Variants in PRDM9 observed in about 807,000 individuals in gnomAD.
The protein encoded by PRDM9 is PR/SET domain 9.
In PRDM9, 47 loss-of-function variants were observed where a neutral mutation model predicts 55.6. The ratio of observed to expected loss-of-function variants is 0.85; its 90% confidence interval spans 0.67 to 1.08. The LOEUF (loss-of-function observed/expected upper bound fraction) is 1.08, where lower values mean the gene tolerates loss of function less well. PRDM9 is among the 50% of genes least tolerant of loss of function. The pLI, the probability that PRDM9 is intolerant of heterozygous loss-of-function variation, is 0.00. For synonymous variants in PRDM9, 312 were observed against 375.7 expected (o/e 0.83, Z 1.96); for missense variants, 867 against 1,040.3 (o/e 0.83, Z 2.29).
At chr5:23,513,489 T>C (rs1265063023) in intron 4 of PRDM9, among the ~76,000 whole-genome samples, 3 of 152,170 alleles carry the variant, frequency 2.0e-5, no homozygotes, top group Non-Finnish European at 2.9e-5. Context: ...TTCCACCATG[T>C]CATGATGCGG....
At chr5:23,510,167 G>T in intron 4 of PRDM9, 140 bp downstream of exon 4, 1 of 847,532 alleles carries the variant, frequency 1.2e-6, no homozygotes, top group Middle Eastern at 3.1e-4. Context: ...CGATTCTCCT[G>T]CCTCAGCCTC....
At position 23,526,288 on chromosome 5, in the gene PRDM9, G is replaced by C. The variant is rs201275097; in HGVS notation, c.1200G>C (p.Gln400His). 1,109 of 1,614,156 alleles carry C rather than the reference G, an allele frequency of 6.9e-4. 15 individuals carry two copies. In the South Asian group the frequency reaches 0.01, roughly 15 times the overall value. Reference protein sequence around the residue: ...CPSCCLAFSSQKFLSQHVERN... With the variant: ...CPSCCLAFSSHKFLSQHVERN... Reference sequence around the variant, plus strand: ...CATGCTGTCTGGCCTTTTCAAGTCAGAAATTTCTCAGTCAACATGTAGAAC... The same window carrying C: ...CATGCTGTCTGGCCTTTTCAAGTCACAAATTTCTCAGTCAACATGTAGAAC... Residue 400 changes from glutamine (Q) to histidine (H), a missense_variant, in exon 11 of 11, where the codon CAG becomes CAC. This residue lies in a region of PRDM9 where 662 missense variants were observed against 711.9 expected (regional missense o/e 0.93). Coordinates refer to ENST00000296682, the MANE Select transcript of PRDM9 (RefSeq NM_020227.4).
At position 23,526,897 on chromosome 5, in the gene PRDM9, A is replaced by G. The variant is rs752740412; in HGVS notation, c.1809A>G (p.Thr603=). The G allele has an allele frequency of 3.1e-6, 5 of 1,602,982 alleles. No individual in the cohort carries two copies. Among genetic ancestry groups the G allele is most frequent in the Non-Finnish European group, 3.4e-6 (4 of 1,176,836 alleles). ...TCCTCACTCACCAGAGGACACACAC[A>G]GGGGAGAAGCCCTATGTCTGCAGGG... is the stretch of plus-strand genomic sequence containing the variant. ...SVLLTHQRTH[T]GEKPYVCREC... Residue 603 remains threonine, a synonymous_variant, in exon 11 of 11, where the codon ACA becomes ACG. Coordinates refer to ENST00000296682, the MANE Select transcript of PRDM9 (RefSeq NM_020227.4).
chr5:23,526,871 C>T lies in PRDM9; in HGVS notation c.1783C>T (p.Leu595Phe), dbSNP rs1229339001. ...GCGGGGCTTTAGCTGGCAGTCAGTC[C>T]TCCTCACTCACCAGAGGACACACAC... is the stretch of plus-strand genomic sequence containing the variant. ...CGRGFSWQSV[L>F]LTHQRTHTGE... Residue 595 changes from leucine (L) to phenylalanine (F), a missense_variant, in exon 11 of 11, where the codon CTC (leucine) becomes TTC (phenylalanine). This residue lies in a region of PRDM9 where 27 missense variants were observed against 50.0 expected (regional missense o/e 0.54). Coordinates refer to ENST00000296682, the MANE Select transcript of PRDM9 (RefSeq NM_020227.4). 1.9e-5 allele frequency: 30 copies of T among 1,595,350 alleles called. No homozygotes were observed. Among genetic ancestry groups the T allele is most frequent in the Non-Finnish European group, 2.4e-5 (28 of 1,173,906 alleles).
rs188025186 is a variant in PRDM9, at chr5:23,508,963, A to C, written c.-71A>C. On this transcript the variant is annotated 5_prime_UTR_variant, in exon 2 of 11. Transcript: ENST00000296682. ...CTCCTTCCACAGGAGCCTTTGGCCT[A>C]GGAGCTGGGAGACTCAGGGCCCTTC... 8.0e-4 allele frequency: 1,246 copies of C among 1,566,152 alleles called. 13 individuals are homozygous for C. The African/African-American group carries it at 0.015, about 19-fold the overall frequency.
chr5:23,513,804 G>A (rs774290609), intron 4 of PRDM9, among the ~76,000 whole-genome samples: 2 of 150,216 alleles, frequency 1.3e-5, no homozygotes, highest in Non-Finnish European at 3.0e-5. Context: ...ACTTGAACCC[G>A]GGAGGCAGAG....
intron 1 of PRDM9, among the ~76,000 whole-genome samples, chr5:23,508,440 C>T (rs1162686452): frequency 1.3e-5 from 2 of 152,188 alleles, no homozygotes; most frequent in Admixed American, 6.5e-5. Flanking sequence ...GACCCCAAAT[C>T]TCAACCTGAG....
At chr5:23,524,310 T>C in intron 9 of PRDM9, 24 bp from the exon 10 acceptor site, 1 of 1,612,172 alleles carries the variant, frequency 6.2e-7, no homozygotes, top group Middle Eastern at 1.7e-4. Context: ...CTCTTTTCTT[T>C]CCCTTTGCCT....
At chr5:23,525,897 G>C (rs866160661) in intron 10 of PRDM9, among the ~76,000 whole-genome samples, 3 of 152,268 alleles carry the variant, frequency 2.0e-5, no homozygotes, top group Middle Eastern at 3.4e-3. Context: ...ATCAGGGAAG[G>C]CTTTATAGGA....
chr5:23,510,157 C>G (rs182233111), intron 4 of PRDM9, 130 bp downstream of exon 4: 1 of 899,526 alleles, frequency 1.1e-6, no homozygotes, highest in East Asian at 2.8e-5. Context: ...CAGGTTCAAG[C>G]GATTCTCCTG....
At chr5:23,517,694 G>A (rs1484478325) in intron 4 of PRDM9, among the ~76,000 whole-genome samples, 187 bp from the exon 5 acceptor site, 2 of 152,172 alleles carry the variant, frequency 1.3e-5, no homozygotes, top group Non-Finnish European at 2.9e-5. Flanking sequence ...GGCTGAGGCA[G>A]GAGAATCGCT....
At position 23,521,133 on chromosome 5, in the gene PRDM9, T is replaced by G; in HGVS notation, c.462T>G (p.Pro154=). The part of the protein sequence containing the change: ...GSEQAQKPVS[P]SGEASTSGQH... The stretch of plus-strand genomic sequence containing the variant: ...AGCAGGCTCAGAAACCAGTGTCCCC[T>G]TCTGGAGAAGCAAGTACCTCTGGAC... Residue 154 remains proline (P), a synonymous_variant, in exon 6 of 11, where the codon CCT becomes CCG. Coordinates refer to ENST00000296682, the MANE Select transcript of PRDM9 (RefSeq NM_020227.4). 1 of 1,613,976 alleles carries G rather than the reference T, an allele frequency of 6.2e-7. No homozygotes were observed. Among genetic ancestry groups the G allele is most frequent in the Non-Finnish European group, 8.5e-7 (1 of 1,180,038 alleles).
In PRDM9 at chr5:23,517,868, C is replaced by T; in HGVS notation, c.302-13C>T. On this transcript the variant is annotated splice_polypyrimidine_tract_variant and intron_variant, in intron 4 of 10. Transcript: ENST00000296682. ...TTTACCAACCAAACCACTGATTTCT[C>T]ATCACCTTTTAGTCAAACCTCCTTG... 1 of 1,578,956 alleles carries T rather than the reference C, an allele frequency of 6.3e-7. No individual in the cohort carries two copies. The highest frequency in any genetic ancestry group is 8.7e-7 in the Non-Finnish European group (1 of 1,147,934).
chr5:23,514,605 A>G (rs1739167167), intron 4 of PRDM9, among the ~76,000 whole-genome samples: 1 of 151,808 alleles, frequency 6.6e-6, no homozygotes, highest in Non-Finnish European at 1.5e-5. Flanking sequence ...CACACCAGCT[A>G]ATTTTTGTAT....
chr5:23,522,236 T>C, intron 6 of PRDM9, 68 bp from the exon 7 acceptor site: 1 of 1,337,206 alleles, frequency 7.5e-7, no homozygotes, highest in Non-Finnish European at 1.1e-6. Context: ...AGATTTCACA[T>C]TTTCTTATGA....
chr5:23,524,828 C>T (rs1219773458), intron 10 of PRDM9, among the ~76,000 whole-genome samples: 1 of 152,144 alleles, frequency 6.6e-6, no homozygotes, highest in Non-Finnish European at 1.5e-5. Context: ...ACCAGCTCTC[C>T]CAACAAGGTA....
Position 23,527,988 on chromosome 5 carries a change from C to T in PRDM9, c.*215C>T, listed in dbSNP as rs1158605350. 22 of 690,026 alleles carry T rather than the reference C, an allele frequency of 3.2e-5. No individual in the cohort carries two copies. The highest frequency in any genetic ancestry group is 1.1e-4 in the East Asian group (4 of 36,606). The allele number at this position is 690,026 out of a possible 1,614,324, so 42.7% of individuals were successfully genotyped here. ...AACAAGGGATAGTTCTGTAAGTGTT[C>T]GGGGGACATCAGCATGTGTGGTTCT... On this transcript the variant is annotated 3_prime_UTR_variant, in exon 11 of 11. Transcript: ENST00000296682.
Position 23,523,223 on chromosome 5 carries a change from G to A in PRDM9, c.883-68G>A, listed in dbSNP as rs1340161923. 18 of 1,536,036 alleles carry A rather than the reference G, an allele frequency of 1.2e-5. 1 individual carries two copies. The African/African-American group carries it at 1.9e-4, about 16-fold the overall frequency. On this transcript the variant is annotated intron_variant, in intron 8 of 10. Transcript: ENST00000296682. ...GCAGGCCCAAAGGCCATTGACGACA[G>A]TGGAGTAAAATAATTCTTCTGATTT... is the stretch of plus-strand genomic sequence containing the variant.
intron 10 of PRDM9, 42 bp from the exon 11 acceptor site, chr5:23,526,191 C>T: frequency 6.4e-7 from 1 of 1,572,640 alleles, no homozygotes; most frequent in South Asian, 1.1e-5. Flanking sequence ...GTGGTAAGGC[C>T]TGAACAAAAC....
Sources: allele counts gnomAD v4.1 joint callset (sites outside exome capture counted in the v4.1 genomes callset), GRCh38; gene constraint gnomAD v4.1.1; regional missense constraint gnomAD v4.1.1; transcripts MANE v1.5; gene names NCBI Gene and HGNC (gene_info 2026-07-23, HGNC 2026-07-21).